The following PI16 variants were observed in gnomAD, a reference collection of about 807,000 sequenced individuals.
The protein encoded by PI16 is PSP94-binding protein.
A neutral mutation model predicts 38.0 loss-of-function variants in PI16; 35 were observed. The ratio of observed to expected loss-of-function variants is 0.92; its 90% CI spans 0.70 to 1.22. PI16 has a LOEUF of 1.22. Ranked by LOEUF, PI16 falls within the 50% of genes most tolerant of loss-of-function variation. The probability of loss-of-function intolerance (pLI) is 0.00; values close to 1 mark genes in which losing one functional copy is unlikely to be tolerated. For synonymous variants in PI16, 275 were observed against 252.9 expected (o/e 1.09, Z -0.83); for missense variants, 572 against 593.8 (o/e 0.96, Z 0.38).
chr6:36,960,096 T>G (rs1763318800), intron 2 of PI16, among the ~76,000 whole-genome samples: 1 of 152,134 alleles, frequency 6.6e-6, no homozygotes. Context: ...TTTGCATTTA[T>G]TATGGTGTCT....
chr6:36,964,064 G>C, intron 6 of PI16, 102 bp downstream of exon 6: 1 of 1,372,662 alleles, frequency 7.3e-7, no homozygotes, highest in African/African-American at 1.5e-5. Flanking sequence ...CTGTGGCCCA[G>C]CAGCCCCCCT....
chr6:36,956,699 G>C (rs966798450), intron 1 of PI16, among the ~76,000 whole-genome samples: 1 of 152,188 alleles, frequency 6.6e-6, no homozygotes, highest in East Asian at 1.9e-4. Flanking sequence ...CTGTAAAATG[G>C]GGATGATAAC....
At chr6:36,958,067 C>T (rs923367734) in intron 1 of PI16, among the ~76,000 whole-genome samples, 1 of 152,228 alleles carries the variant, frequency 6.6e-6, no homozygotes, top group Non-Finnish European at 1.5e-5. Flanking sequence ...CAGCCAGGTG[C>T]ACCCATCCCC....
intron 1 of PI16, among the ~76,000 whole-genome samples, chr6:36,955,628 A>G (rs536099499): frequency 6.6e-6 from 1 of 152,306 alleles, no homozygotes; most frequent in Admixed American, 6.5e-5. Flanking sequence ...ATCATACTGA[A>G]TGGGGGAGGA....
At chr6:36,954,073 G>C (rs1763146307), upstream of PI16, among the ~76,000 whole-genome samples, 1 of 152,356 alleles carries the variant, frequency 6.6e-6, no homozygotes, top group South Asian at 2.1e-4. Context: ...TCCACAGGGG[G>C]CTGGTAGCCT....
chr6:36,955,410 G>A (rs1763175951), intron 1 of PI16, among the ~76,000 whole-genome samples: 1 of 152,208 alleles, frequency 6.6e-6, no homozygotes, highest in Non-Finnish European at 1.5e-5. Context: ...GGCACGTGGA[G>A]TAGGAGGCAG....
At position 36,959,249 on chromosome 6, in the gene PI16, C is replaced by A. The variant is rs1331350658; in HGVS notation, c.276C>A (p.Ile92=). Reference sequence around the variant, plus strand: ...GCCGCGGCGAGAATCTGTTCGCCATCACAGACGAGGGCATGGACGTGCCGC... The same window carrying A: ...GCCGCGGCGAGAATCTGTTCGCCATAACAGACGAGGGCATGGACGTGCCGC... ...RGRRGENLFA[I]TDEGMDVPLA... Residue 92 remains isoleucine (I), a synonymous_variant, in exon 2 of 7, where the codon ATC becomes ATA. Coordinates refer to ENST00000373674, the MANE Select transcript of PI16 (RefSeq NM_153370.3). 6.2e-6 allele frequency: 10 copies of A among 1,608,170 alleles called. No homozygotes were observed. The highest frequency in any genetic ancestry group is 8.5e-6 in the Non-Finnish European group (10 of 1,177,832).
Position 36,963,526 on chromosome 6 carries a change from C to G in PI16, c.1184C>G (p.Ser395Cys), listed in dbSNP as rs746198084. The G allele has an allele frequency of 5.1e-5, 83 of 1,614,080 alleles. No homozygotes were observed. The highest frequency in any genetic ancestry group is 6.5e-5 in the Non-Finnish European group (77 of 1,180,046). ...CTGGACCACACGGGGCACACCTCCT[C>G]CAAGTCCCTGCCCAATTTCCCCAAT... ...ATLDHTGHTS[S>C]KSLPNFPNTS... The change falls in exon 5 of 7, where the codon TCC becomes TGC. Residue 395 changes from serine (S) to cysteine (C), a missense_variant. Ser to Cys is a moderately radical substitution (Grantham distance 112). Transcript: ENST00000373674.
At chr6:36,959,490 T>C (rs1583234485) in intron 2 of PI16, 124 bp downstream of exon 2, 1 of 957,070 alleles carries the variant, frequency 1.0e-6, no homozygotes, top group East Asian at 2.6e-5. Context: ...GTAGGCGGGC[T>C]TCACTCCAAG....
chr6:36,963,851 C>T lies in PI16; in HGVS notation c.1299C>T (p.Val433=), dbSNP rs202006222. 24 of 1,612,062 alleles carry T rather than the reference C, an allele frequency of 1.5e-5. No homozygotes were observed. The highest frequency in any genetic ancestry group is 5.0e-5 in the Admixed American group (3 of 59,534). ...CAGAGGGCCCTGACAAGCCTAGCGT[C>T]GTGTCAGGGCTGAACTCGGGCCCTG... ...PGAEGPDKPS[V]VSGLNSGPGH... The change falls in exon 6 of 7, where the codon GTC becomes GTT. Residue 433 remains valine (V), a synonymous_variant. Coordinates refer to ENST00000373674, the MANE Select transcript of PI16 (RefSeq NM_153370.3).
In PI16 at chr6:36,963,914, G is replaced by A. The variant is rs757672873; in HGVS notation, c.1362G>A (p.Leu454=). 1.9e-6 allele frequency: 3 copies of A among 1,613,878 alleles called. No individual in the cohort carries two copies. The highest frequency in any genetic ancestry group is 2.5e-6 in the Non-Finnish European group (3 of 1,179,944). The change falls in exon 6 of 7, where the codon CTG becomes CTA. Residue 454 remains leucine, a synonymous_variant. Coordinates refer to ENST00000373674, the MANE Select transcript of PI16 (RefSeq NM_153370.3). ...VWGPLLGLLL[L]PPLVLAGIF The stretch of plus-strand genomic sequence containing the variant: ...GCCCTCTCCTGGGACTACTGCTCCT[G>A]CCTCCTCTGGTGTTGGCTGGAATCT...
intron 5 of PI16, 90 bp from the exon 6 acceptor site, chr6:36,963,733 G>C (rs1390310973): frequency 5.2e-6 from 8 of 1,530,832 alleles, no homozygotes; most frequent in Non-Finnish European, 5.3e-6. Flanking sequence ...TTCCTCCCTG[G>C]CTGCTGCCCC....
chr6:36,949,869 TTC>T (rs1425924419), upstream of PI16, among the ~76,000 whole-genome samples: 2 of 152,166 alleles, frequency 1.3e-5, no homozygotes, highest in South Asian at 2.1e-4. Context: ...ATTTGATACT[TTC>T]TGATTGTGAG....
chr6:36,958,357 C>G (rs1763258979), intron 1 of PI16, among the ~76,000 whole-genome samples: 1 of 152,206 alleles, frequency 6.6e-6, no homozygotes, highest in Non-Finnish European at 1.5e-5. Context: ...GGCCTGTCCT[C>G]TCAGCCAGGG....
At chr6:36,956,501 T>C (rs1031500492) in intron 1 of PI16, among the ~76,000 whole-genome samples, 1 of 152,060 alleles carries the variant, frequency 6.6e-6, no homozygotes, top group Non-Finnish European at 1.5e-5. Flanking sequence ...GGGAGTGACA[T>C]GAGGAGGAGG....
rs707543 is a variant in PI16, at chr6:36,964,044, A to G, written c.*18+82A>G. The G allele has an allele frequency of 5.2e-3, 7,706 of 1,488,414 alleles. 296 individuals carry two copies. In the African/African-American group the frequency reaches 0.085, roughly 17 times the overall value. 92.2% of individuals were successfully genotyped at this position (1,488,414 alleles called of 1,614,324 possible). A position where few individuals can be genotyped will look rare whatever the true frequency, so the allele number is the denominator to read the frequency against. ...AGTGAGAGACCACAGCTTCCTGGGC[A>G]GGTCCTGCTCTGTGGCCCAGCAGCC... is the stretch of plus-strand genomic sequence containing the variant. On this transcript the variant is annotated intron_variant, in intron 6 of 6. Coordinates refer to ENST00000373674, the MANE Select transcript of PI16 (RefSeq NM_153370.3).
intron 5 of PI16, 50 bp from the exon 6 acceptor site, chr6:36,963,773 A>G (rs4585544): frequency 0.15 from 233,566 of 1,536,718 alleles, 18,552 homozygotes; most frequent in Admixed American, 0.18. Context: ...TGGGCGGGAC[A>G]TCAGGCACAG....
chr6:36,963,253 C>A lies in PI16; in HGVS notation c.911C>A (p.Pro304Gln). 1 of 1,614,236 alleles carries A rather than the reference C, an allele frequency of 6.2e-7. No individual in the cohort carries two copies. Among genetic ancestry groups the A allele is most frequent in the South Asian group, 1.1e-5 (1 of 91,088 alleles). The change falls in exon 5 of 7, where the codon CCA becomes CAA. Residue 304 changes from proline (P) to glutamine (Q), a missense_variant. Physicochemically the swap from Pro to Gln is moderately conservative, Grantham distance 76 (BLOSUM62 -1). Coordinates refer to ENST00000373674, the MANE Select transcript of PI16 (RefSeq NM_153370.3). ...AGCCTGCCCTCCTTGGATGAGGAGCCAGTTACCTTCCCCAAATCGACCCAT... is the reference window on the plus strand; with the variant it reads ...AGCCTGCCCTCCTTGGATGAGGAGCAAGTTACCTTCCCCAAATCGACCCAT... ...AHSLPSLDEE[P>Q]VTFPKSTHVP...
rs937643429 is a variant in PI16, at chr6:36,954,999, C to G, written c.171+68C>G. On this transcript the variant is annotated intron_variant, in intron 1 of 6. Transcript: ENST00000373674. ...GCTGGCCAGGGTCTGTCACCAGGCT[C>G]TCTTACCCTGCTCCTCATGCTGAAG... 27 of 1,524,854 alleles carry G rather than the reference C, an allele frequency of 1.8e-5. No individual in the cohort carries two copies. In the African/African-American group the frequency reaches 2.5e-4, roughly 14 times the overall value. 94.5% of individuals were successfully genotyped at this position (1,524,854 alleles called of 1,614,324 possible). A position where few individuals can be genotyped will look rare whatever the true frequency, so the allele number is the denominator to read the frequency against.
Sources: allele counts gnomAD v4.1 joint callset (sites outside exome capture counted in the v4.1 genomes callset), GRCh38; gene constraint gnomAD v4.1.1; transcripts MANE v1.5; gene names NCBI Gene and HGNC (gene_info 2026-07-23, HGNC 2026-07-21).